The following PARM1 variants were observed in gnomAD, a reference collection of about 807,000 sequenced individuals.
PARM1 encodes the protein prostate androgen-regulated mucin-like protein 1, also known as WSC4, cell wall integrity and stress response component 4 homolog.
Under a neutral mutation model 24.6 loss-of-function variants are expected in PARM1, and 14 were observed. The observed-to-expected ratio is 0.57, with a 90% confidence interval of 0.38 to 0.89. The LOEUF is 0.89. Among genes scored for constraint, PARM1 ranks in the 40% least tolerant of loss-of-function variants. PARM1 has a pLI of 0.00. For missense variants in PARM1, 362 were observed against 380.4 expected (o/e 0.95, Z 0.40); for synonymous variants, 179 against 156.6 (o/e 1.14, Z -1.07).
At chr4:74,989,445 A>G (rs952254836) in intron 1 of PARM1, among the ~76,000 whole-genome samples, 1 of 152,204 alleles carries the variant, frequency 6.6e-6, no homozygotes, top group Admixed American at 6.5e-5. Flanking sequence ...GATACAGATG[A>G]ACAGCCAAAT....
chr4:74,944,383 A>G (rs184798948), intron 1 of PARM1, among the ~76,000 whole-genome samples: 5 of 152,294 alleles, frequency 3.3e-5, no homozygotes, highest in African/African-American at 9.6e-5. Context: ...CCATTTGTCC[A>G]TTCTTGAGAA....
In PARM1 at chr4:75,048,272, A is replaced by G. The variant is rs1723649520; in HGVS notation, c.*2025A>G. The stretch of plus-strand genomic sequence containing the variant: ...GGACGGAGAATGAGCAAGCCCCAGA[A>G]GTATTTTACAACCAGAGTGGGTAAT... On this transcript the variant is annotated 3_prime_UTR_variant, in exon 4 of 4. Coordinates refer to ENST00000307428, the MANE Select transcript of PARM1 (RefSeq NM_015393.4). 6.6e-6 allele frequency: 1 copy of G among 152,204 alleles called. No individual in the cohort carries two copies. Among genetic ancestry groups the G allele is most frequent in the Admixed American group, 6.5e-5 (1 of 15,280 alleles). 9.4% of individuals were successfully genotyped at this position (152,204 alleles called of 1,614,324 possible).
intron 1 of PARM1, among the ~76,000 whole-genome samples, chr4:74,976,259 C>T (rs1172294002): frequency 3.3e-5 from 5 of 152,166 alleles, no homozygotes; most frequent in Non-Finnish European, 7.4e-5. Flanking sequence ...CTGTCATTCT[C>T]CCCTGCTGGT....
intron 3 of PARM1, 90 bp from the exon 4 acceptor site, chr4:75,046,072 TA>T: frequency 2.5e-6 from 2 of 796,892 alleles, no homozygotes; most frequent in Non-Finnish European, 4.3e-6. Flanking sequence ...CCTGGCCCCA[TA>T]AGCATCCCCA....
intron 3 of PARM1, among the ~76,000 whole-genome samples, chr4:75,044,882 A>G (rs1279724997): frequency 6.6e-6 from 1 of 151,572 alleles, no homozygotes; most frequent in Non-Finnish European, 1.5e-5. Flanking sequence ...GTTCAGGGAA[A>G]CTCCCCCTTA....
At chr4:74,934,948 AAC>A (rs1443005320) in intron 1 of PARM1, among the ~76,000 whole-genome samples, 2 of 151,400 alleles carry the variant, frequency 1.3e-5, no homozygotes, top group East Asian at 1.9e-4. Context: ...AACCCTAACA[AAC>A]AGTGTATTGT....
intron 3 of PARM1, among the ~76,000 whole-genome samples, chr4:75,035,620 T>TG (rs1723355082): frequency 6.6e-6 from 1 of 152,176 alleles, no homozygotes; most frequent in South Asian, 2.1e-4. Context: ...CAGTGCCCAC[T>TG]GGGAGCACTT....
intron 1 of PARM1, among the ~76,000 whole-genome samples, chr4:74,979,608 T>G (rs1722207659): frequency 6.6e-6 from 1 of 152,196 alleles, no homozygotes; most frequent in Non-Finnish European, 1.5e-5. Context: ...CTAACTCATT[T>G]TATGAGGCCA....
chr4:74,937,306 T>G (rs1721214743), intron 1 of PARM1, among the ~76,000 whole-genome samples: 1 of 152,194 alleles, frequency 6.6e-6, no homozygotes, highest in Non-Finnish European at 1.5e-5. Context: ...TTCCTTAGCC[T>G]GAGAAACTCC....
intron 1 of PARM1, among the ~76,000 whole-genome samples, chr4:74,992,433 C>T (rs575237181): frequency 2.8e-4 from 43 of 152,166 alleles, no homozygotes; most frequent in African/African-American, 1.0e-3. Context: ...TATTTGAAGA[C>T]CTAACGGCTT....
At chr4:74,986,138 G>C (rs562693536) in intron 1 of PARM1, among the ~76,000 whole-genome samples, 1 of 152,060 alleles carries the variant, frequency 6.6e-6, no homozygotes, top group Non-Finnish European at 1.5e-5. Flanking sequence ...ACAATGCATA[G>C]AGTCTTTGGT....
At chr4:75,000,693 A>G (rs7698447) in intron 1 of PARM1, among the ~76,000 whole-genome samples, 4,572 of 152,322 alleles carry the variant, frequency 0.03, 227 homozygotes, top group African/African-American at 0.1. Flanking sequence ...CTTAGTTGCA[A>G]AGAAGGCTAC....
chr4:74,940,775 T>C (rs1721290295), intron 1 of PARM1, among the ~76,000 whole-genome samples: 1 of 152,242 alleles, frequency 6.6e-6, no homozygotes, highest in South Asian at 2.1e-4. Flanking sequence ...AATTGGACTC[T>C]TCAGGAAGAA....
chr4:75,035,823 A>G (rs555975970), intron 3 of PARM1, among the ~76,000 whole-genome samples: 4 of 152,314 alleles, frequency 2.6e-5, no homozygotes, highest in African/African-American at 9.6e-5. Context: ...AACATTTTAT[A>G]AAAGCATCCA....
chr4:74,959,784 CATT>C (rs1355929336), intron 1 of PARM1, among the ~76,000 whole-genome samples: 2 of 152,148 alleles, frequency 1.3e-5, no homozygotes, highest in African/African-American at 4.8e-5. Flanking sequence ...GATTTTTCAT[CATT>C]AAGAAAATAG....
chr4:75,037,138 T>C (rs1359129628), intron 3 of PARM1, among the ~76,000 whole-genome samples: 1 of 152,244 alleles, frequency 6.6e-6, no homozygotes, highest in East Asian at 1.9e-4. Context: ...TGTGTGCATG[T>C]ATGTTCCTAA....
intron 2 of PARM1, among the ~76,000 whole-genome samples, 191 bp from the exon 3 acceptor site, chr4:75,033,692 G>T (rs1377104057): frequency 6.6e-6 from 1 of 152,192 alleles, no homozygotes; most frequent in African/African-American, 2.4e-5. Context: ...CATAAAAAGT[G>T]TTTTGGTAAC....
chr4:74,996,689 C>T (rs2109783634), intron 1 of PARM1, among the ~76,000 whole-genome samples: 1 of 152,222 alleles, frequency 6.6e-6, no homozygotes, highest in African/African-American at 2.4e-5. Flanking sequence ...TGCTGTTCTC[C>T]CTTTGCTCTG....
chr4:74,970,725 T>C (rs904796918), intron 1 of PARM1, among the ~76,000 whole-genome samples: 1 of 152,228 alleles, frequency 6.6e-6, no homozygotes, highest in African/African-American at 2.4e-5. Flanking sequence ...TGCCTGCATG[T>C]GTTCAGGGCA....
Sources: gnomAD v4.1 joint callset for allele counts (sites outside exome capture counted in the v4.1 genomes callset) on GRCh38, gnomAD v4.1.1 for gene constraint, MANE v1.5 for transcripts, NCBI Gene and HGNC (gene_info 2026-07-23, HGNC 2026-07-21) for gene names.